CEP170: variants seen among roughly 807,000 people sequenced by gnomAD.
CEP170 encodes the protein centrosomal protein of 170 kDa.
In CEP170, 21 loss-of-function variants were observed where a neutral mutation model predicts 151.9. That is an observed-to-expected ratio of 0.14 (90% CI 0.10 to 0.20). The LOEUF is 0.20. Ranked by LOEUF, CEP170 falls within the 10% of genes least tolerant of loss-of-function variation. The pLI, the probability that CEP170 is intolerant of heterozygous loss-of-function variation, is 1.00. For synonymous variants in CEP170, 356 were observed against 648.8 expected (o/e 0.55, Z 6.86); for missense variants, 964 against 1,892.9 (o/e 0.51, Z 9.11).
intron 4 of CEP170, among the ~76,000 whole-genome samples, chr1:243,201,850 T>C (rs1220876712): frequency 2.0e-5 from 3 of 152,154 alleles, no homozygotes; most frequent in Admixed American, 6.6e-5. Flanking sequence ...AACAAGAGTC[T>C]AGTCAACTGA....
At chr1:243,163,644 T>A (rs944879333) in intron 13 of CEP170, among the ~76,000 whole-genome samples, 1 of 152,210 alleles carries the variant, frequency 6.6e-6, no homozygotes, top group Admixed American at 6.5e-5. Flanking sequence ...GTTTGGCCAA[T>A]ATACGCTGAG....
At chr1:243,202,996 A>C (rs2061159373) in intron 4 of CEP170, among the ~76,000 whole-genome samples, 1 of 152,108 alleles carries the variant, frequency 6.6e-6, no homozygotes, top group South Asian at 2.1e-4. Context: ...GCTTGAGAGG[A>C]GCCATCCTTC....
intron 3 of CEP170, among the ~76,000 whole-genome samples, chr1:243,213,183 C>A (rs1004167685): frequency 2.6e-5 from 4 of 151,722 alleles, no homozygotes; most frequent in Non-Finnish European, 4.4e-5. Flanking sequence ...TCAACAGGCA[C>A]ACATGGTTAG....
chr1:243,211,865 C>T (rs1293784434), intron 4 of CEP170, 21 bp downstream of exon 4: 1 of 1,599,774 alleles, frequency 6.3e-7, no homozygotes, highest in Non-Finnish European at 8.5e-7. Context: ...TTAATAAGTA[C>T]ATAAAACCAT....
intron 1 of CEP170, among the ~76,000 whole-genome samples, chr1:243,245,748 C>CA (rs933609213): frequency 6.7e-6 from 1 of 150,298 alleles, no homozygotes; most frequent in Non-Finnish European, 1.5e-5. Flanking sequence ...AAACAAAAAA[C>CA]AAAAAACAAA....
chr1:243,151,359 C>T (rs1424957955), intron 14 of CEP170, among the ~76,000 whole-genome samples: 2 of 150,836 alleles, frequency 1.3e-5, no homozygotes. Flanking sequence ...CCTCTTGTGC[C>T]ATACAGCCAA....
chr1:243,250,357 T>C (rs1338563711), intron 1 of CEP170, among the ~76,000 whole-genome samples: 2 of 152,194 alleles, frequency 1.3e-5, no homozygotes, highest in Non-Finnish European at 2.9e-5. Context: ...AGATCTCAAG[T>C]TTTAACTATA....
At chr1:243,176,156 G>A (rs186789128) in intron 10 of CEP170, among the ~76,000 whole-genome samples, 52 of 152,090 alleles carry the variant, frequency 3.4e-4, no homozygotes, top group African/African-American at 8.7e-4. Context: ...CTCTGGTCTG[G>A]TCTCAATCCA....
chr1:243,175,850 G>A lies in CEP170; in HGVS notation c.1567-3004C>T, dbSNP rs1412787915. Among the ~76,000 whole-genome samples the A allele has an allele frequency of 3.3e-5, 5 of 152,270 alleles. No individual in the cohort carries two copies. The East Asian group carries it at 9.7e-4, about 29-fold the overall frequency. ...CTCGCTTTGTCGCCCAGGCCGGAGTGCAGTGGCGCGATCTCGGCTCACTGC... is the reference window on the plus strand; with the variant it reads ...CTCGCTTTGTCGCCCAGGCCGGAGTACAGTGGCGCGATCTCGGCTCACTGC... On this transcript the variant is annotated intron_variant, in intron 10 of 19. Coordinates refer to ENST00000366542, the MANE Select transcript of CEP170 (RefSeq NM_014812.3).
At chr1:243,158,236 A>C (rs1324771436) in intron 13 of CEP170, among the ~76,000 whole-genome samples, 1 of 152,194 alleles carries the variant, frequency 6.6e-6, no homozygotes, top group Non-Finnish European at 1.5e-5. Context: ...GTACGTTTCA[A>C]AAAAACATTT....
intron 3 of CEP170, among the ~76,000 whole-genome samples, chr1:243,219,430 C>G (rs2062596082): frequency 6.6e-6 from 1 of 152,158 alleles, no homozygotes; most frequent in African/African-American, 2.4e-5. Context: ...GTCCTGATTT[C>G]AAGCTTAAAA....
At chr1:243,208,706 T>TA (rs1465009697) in intron 4 of CEP170, among the ~76,000 whole-genome samples, 1 of 151,582 alleles carries the variant, frequency 6.6e-6, no homozygotes, top group Non-Finnish European at 1.5e-5. Flanking sequence ...ACTTCCCACT[T>TA]ACCAACACTA....
At chr1:243,235,207 G>T (rs921506025) in intron 1 of CEP170, among the ~76,000 whole-genome samples, 1 of 152,110 alleles carries the variant, frequency 6.6e-6, no homozygotes, top group African/African-American at 2.4e-5. Flanking sequence ...GCAGTGGGAA[G>T]AAAGAAACAT....
At chr1:243,207,993 T>C (rs1455161404) in intron 4 of CEP170, among the ~76,000 whole-genome samples, 2 of 152,298 alleles carry the variant, frequency 1.3e-5, no homozygotes, top group East Asian at 3.9e-4. Flanking sequence ...TATTTTGAGA[T>C]GATTCTTCCC....
intron 1 of CEP170, among the ~76,000 whole-genome samples, chr1:243,247,224 GA>G (rs994538953): frequency 3.3e-5 from 5 of 150,418 alleles, no homozygotes; most frequent in African/African-American, 1.2e-4. Context: ...CTGGCCTAGG[GA>G]AAAAAAAAGT....
At chr1:243,236,398 G>C (rs2064259925) in intron 1 of CEP170, among the ~76,000 whole-genome samples, 1 of 152,144 alleles carries the variant, frequency 6.6e-6, no homozygotes, top group East Asian at 1.9e-4. Context: ...TTAACAACGA[G>C]TTCTCTAACA....
chr1:243,197,691 C>A (rs1399632243), intron 7 of CEP170, among the ~76,000 whole-genome samples: 3 of 152,014 alleles, frequency 2.0e-5, no homozygotes, highest in Non-Finnish European at 4.4e-5. Context: ...GACTGAGAGA[C>A]GGAGAGAAGC....
At chr1:243,230,306 A>T (rs561497891) in intron 1 of CEP170, among the ~76,000 whole-genome samples, 1 of 152,290 alleles carries the variant, frequency 6.6e-6, no homozygotes, top group East Asian at 1.9e-4. Flanking sequence ...GCCTCAAAAC[A>T]AATGAATAAA....
At chr1:243,129,779 A>T (rs1412249219) in intron 17 of CEP170, among the ~76,000 whole-genome samples, 2 of 152,120 alleles carry the variant, frequency 1.3e-5, no homozygotes, top group Non-Finnish European at 2.9e-5. Flanking sequence ...ATGCCCTCTT[A>T]TCCACAGTTT....
Sources: gnomAD v4.1 joint callset for allele counts (sites outside exome capture counted in the v4.1 genomes callset) on GRCh38, gnomAD v4.1.1 for gene constraint, MANE v1.5 for transcripts, NCBI Gene and HGNC (gene_info 2026-07-23, HGNC 2026-07-21) for gene names.